ZFAT: variants seen among roughly 807,000 people sequenced by gnomAD.
ZFAT encodes zinc finger protein ZFAT.
Under a neutral mutation model 117.7 loss-of-function variants are expected in ZFAT, and 64 were observed. The observed-to-expected ratio is 0.54, with a 90% CI of 0.44 to 0.67. The LOEUF is 0.67. Ranked by LOEUF, ZFAT falls within the 30% of genes least tolerant of loss-of-function variation. ZFAT has a pLI of 0.00. For missense variants in ZFAT, 1,433 were observed against 1,584.5 expected, an observed-to-expected ratio of 0.90 and a Z score of 1.62; for synonymous variants, 679 against 615.0, an observed-to-expected ratio of 1.10 and a Z score of -1.54.
intron 10 of ZFAT, among the ~76,000 whole-genome samples, chr8:134,578,554 A>C (rs886396745): frequency 3.3e-5 from 5 of 152,090 alleles, no homozygotes; most frequent in African/African-American, 1.2e-4. Flanking sequence ...GTGACAGCAG[A>C]TAGACAGGAG....
chr8:134,678,413 T>G (rs200590070), intron 1 of ZFAT, among the ~76,000 whole-genome samples: 1 of 152,140 alleles, frequency 6.6e-6, no homozygotes, highest in South Asian at 2.1e-4. Context: ...TCAAGGAGAA[T>G]TATAAGCCAC....
At chr8:134,510,588 T>C (rs1490683907) in intron 14 of ZFAT, 3 of 164,986 alleles carry the variant, frequency 1.8e-5, no homozygotes, top group Admixed American at 5.9e-5. Flanking sequence ...GGCGGACTTA[T>C]ATTCACAATG....
At position 134,480,740 on chromosome 8, in the gene ZFAT, G is replaced by T. The variant is rs571457399; in HGVS notation, c.3493-2019C>A. Among the ~76,000 whole-genome samples, 31 of 152,258 alleles carry T rather than the reference G, an allele frequency of 2.0e-4. 1 individual carries two copies. Among genetic ancestry groups the T allele is most frequent in the African/African-American group, 7.2e-4 (30 of 41,546 alleles). On this transcript the variant is annotated intron_variant, in intron 15 of 15. Coordinates refer to ENST00000377838, the MANE Select transcript of ZFAT (RefSeq NM_020863.4). ...CTCCATGAGGTCCCACTCACGACAT[G>T]TCCGGGTCCTTTCCTGGCCTGCAAA...
rs570599362 is a variant in ZFAT, at chr8:134,624,182, A to ACG, written c.448+13278_448+13279insCG. 7.9e-3 allele frequency among the ~76,000 whole-genome samples: 165 copies of ACG among 20,984 alleles called. 2 individuals are homozygous for ACG. Among genetic ancestry groups the ACG allele is most frequent in the African/African-American group, 0.014 (144 of 10,340 alleles). 13.8% of individuals were successfully genotyped at this position (20,984 alleles called of 152,430 possible). On this transcript the variant is annotated intron_variant, in intron 3 of 15. Transcript: ENST00000377838. ...AACGTGCAGGCACATGTGCACATGCACACACACACACACACACACACACAC... is the reference window on the plus strand; with the variant it reads ...AACGTGCAGGCACATGTGCACATGCACGCACACACACACACACACACACACAC...
At chr8:134,658,294 G>A (rs1032375890) in intron 1 of ZFAT, among the ~76,000 whole-genome samples, 4 of 137,772 alleles carry the variant, frequency 2.9e-5, no homozygotes, top group Admixed American at 8.1e-5. Flanking sequence ...CCGAGATCAC[G>A]CCACTGCACT....
rs1174641357 is a variant in ZFAT at position 134,500,070 on chromosome 8, G to A, written c.3492+9549C>T. Among the ~76,000 whole-genome samples, 5 of 152,174 alleles carry A rather than the reference G, an allele frequency of 3.3e-5. No individual in the cohort carries two copies. In the East Asian group the frequency reaches 9.6e-4, roughly 29 times the overall value. Reference sequence around the variant, plus strand: ...GCCCGCAGCGCTCTCCTCCATATGCGGGACAGCTCTGCCTCACTCCCGTCA... The same window carrying A: ...GCCCGCAGCGCTCTCCTCCATATGCAGGACAGCTCTGCCTCACTCCCGTCA... On this transcript the variant is annotated intron_variant, in intron 15 of 15. Coordinates refer to ENST00000377838, the MANE Select transcript of ZFAT (RefSeq NM_020863.4).
At chr8:134,732,227 G>A in the ZFAT span, among the ~76,000 whole-genome samples, 3 of 152,226 alleles carry the variant, frequency 2.0e-5, no homozygotes, top group Non-Finnish European at 4.4e-5. Flanking sequence ...GCTGCTTCTG[G>A]GTAAGCCCTG....
the ZFAT span, among the ~76,000 whole-genome samples, chr8:134,763,055 T>G: frequency 5.9e-5 from 9 of 152,164 alleles, no homozygotes; most frequent in African/African-American, 2.2e-4. Flanking sequence ...TACAATCTCA[T>G]CAGAGTAATC....
At chr8:134,615,501 T>G (rs1828653808) in intron 3 of ZFAT, among the ~76,000 whole-genome samples, 1 of 152,130 alleles carries the variant, frequency 6.6e-6, no homozygotes. Flanking sequence ...TGGCAACATC[T>G]TGAGAGTCAA....
At chr8:134,733,920 A>T in the ZFAT span, among the ~76,000 whole-genome samples, 1 of 152,210 alleles carries the variant, frequency 6.6e-6, no homozygotes, top group Non-Finnish European at 1.5e-5. Context: ...GAAGGCCAAA[A>T]GGTTTAATTC....
At chr8:134,804,312 T>C in the ZFAT span, among the ~76,000 whole-genome samples, 1 of 152,202 alleles carries the variant, frequency 6.6e-6, no homozygotes, top group East Asian at 1.9e-4. Context: ...ACAGGCTTAG[T>C]GGCTTGACGT....
chr8:134,509,804 T>C (rs1406707860), intron 14 of ZFAT, 55 bp from the exon 15 acceptor site: 2 of 1,534,580 alleles, frequency 1.3e-6, no homozygotes, highest in South Asian at 1.3e-5. Flanking sequence ...CTGAAGGACA[T>C]GGAATGCAAA....
At chr8:134,635,431 G>A (rs1830144798) in intron 3 of ZFAT, among the ~76,000 whole-genome samples, 2 of 152,192 alleles carry the variant, frequency 1.3e-5, no homozygotes, top group African/African-American at 4.8e-5. Flanking sequence ...CAAACAAAAG[G>A]GATTCTCGAG....
intron 15 of ZFAT, among the ~76,000 whole-genome samples, chr8:134,500,468 G>A (rs1209600765): frequency 6.6e-6 from 1 of 152,154 alleles, no homozygotes; most frequent in Non-Finnish European, 1.5e-5. Flanking sequence ...AATAACCTTT[G>A]TTCTCTATGT....
At chr8:134,658,052 A>C (rs1831716013) in intron 1 of ZFAT, among the ~76,000 whole-genome samples, 1 of 152,180 alleles carries the variant, frequency 6.6e-6, no homozygotes. Context: ...AAAAATAAAT[A>C]TGCGGCCGGG....
chr8:134,665,147 A>G (rs900905289), intron 1 of ZFAT, among the ~76,000 whole-genome samples: 18 of 152,214 alleles, frequency 1.2e-4, no homozygotes, highest in African/African-American at 4.3e-4. Flanking sequence ...CTCCTTCCAG[A>G]AGGCAGCTAT....
At position 134,478,347 on chromosome 8, in the gene ZFAT, C is replaced by T; in HGVS notation, c.*135G>A. The T allele has an allele frequency of 7.4e-7, 1 of 1,349,428 alleles. No homozygotes were observed. The highest frequency in any genetic ancestry group is 9.9e-7 in the Non-Finnish European group (1 of 1,010,710). 83.6% of individuals were successfully genotyped at this position (1,349,428 alleles called of 1,614,324 possible). A position where few individuals can be genotyped will look rare whatever the true frequency, so the allele number is the denominator to read the frequency against. On this transcript the variant is annotated 3_prime_UTR_variant, in exon 16 of 16. Transcript: ENST00000377838. This position sits in a 1 kb window ranked among gnomAD's most constrained non-coding sequence, Gnocchi z 5.2. ...CCACCCCAAGTTGGACTAGGAGAGT[C>T]CTATCAGGCTGCTGGGCAGGGAGGG... is the stretch of plus-strand genomic sequence containing the variant.
chr8:134,646,550 TAATAG>T (rs1830908909), intron 2 of ZFAT, among the ~76,000 whole-genome samples: 1 of 149,202 alleles, frequency 6.7e-6, no homozygotes, highest in Non-Finnish European at 1.5e-5. Flanking sequence ...TGGAAGGAAA[TAATAG>T]AATAGAGCAG....
chr8:134,670,004 A>G (rs1007755505), intron 1 of ZFAT, among the ~76,000 whole-genome samples: 2 of 152,234 alleles, frequency 1.3e-5, no homozygotes, highest in African/African-American at 4.8e-5. Flanking sequence ...AGAGACAAAG[A>G]AGGCCAGTAC....
Sources: allele counts gnomAD v4.1 joint callset (sites outside exome capture counted in the v4.1 genomes callset), GRCh38; gene constraint gnomAD v4.1.1; non-coding constraint Gnocchi (gnomAD v3.1); transcripts MANE v1.5; gene names NCBI Gene and HGNC (gene_info 2026-07-23, HGNC 2026-07-21).